ZNF560: variants seen among roughly 807,000 people sequenced by gnomAD.
ZNF560 encodes zinc finger protein 560.
ZNF560 carries 54 observed loss-of-function variants against 81.8 expected under a neutral mutation model. The ratio of observed to expected loss-of-function variants is 0.66; its 90% CI spans 0.53 to 0.83. ZNF560 has a LOEUF of 0.83. Ranked by LOEUF, ZNF560 falls within the 40% of genes least tolerant of loss-of-function variation. The pLI, the probability that ZNF560 is intolerant of heterozygous loss-of-function variation, is 0.00. For missense variants in ZNF560, 940 were observed against 932.4 expected, an observed-to-expected ratio of 1.01 and a Z score of -0.11; for synonymous variants, 321 against 317.9, an observed-to-expected ratio of 1.01 and a Z score of -0.10.
In ZNF560 at chr19:9,466,514, G is replaced by A. The variant is rs954904212; in HGVS notation, c.*60C>T. 2.7e-6 allele frequency: 4 copies of A among 1,471,250 alleles called. No homozygotes were observed. The African/African-American group carries it at 4.2e-5, about 16-fold the overall frequency. 91.1% of individuals were successfully genotyped at this position (1,471,250 alleles called of 1,614,324 possible). Reference sequence around the variant, plus strand: ...TCTCCTGTGAATTTTTACATGTTCAGTTAGGCTTGAGGAAACAGCAAAGGT... The same window carrying A: ...TCTCCTGTGAATTTTTACATGTTCAATTAGGCTTGAGGAAACAGCAAAGGT... On this transcript the variant is annotated 3_prime_UTR_variant, in exon 10 of 10. Coordinates refer to ENST00000301480, the MANE Select transcript of ZNF560 (RefSeq NM_152476.3).
chr19:9,479,249 C>T (rs1262956210), intron 2 of ZNF560, among the ~76,000 whole-genome samples: 1 of 150,774 alleles, frequency 6.6e-6, no homozygotes, highest in Non-Finnish European at 1.5e-5. Flanking sequence ...ACAATGATTA[C>T]TCTGAATGCA....
At chr19:9,459,107 A>C in the ZNF560 span, among the ~76,000 whole-genome samples, 1 of 152,356 alleles carries the variant, frequency 6.6e-6, no homozygotes, top group Non-Finnish European at 1.5e-5. Context: ...GGAATATTGA[A>C]GACATTACTG....
chr19:9,474,167 T>C, intron 4 of ZNF560, 32 bp downstream of exon 4: 1 of 1,613,508 alleles, frequency 6.2e-7, no homozygotes, highest in Non-Finnish European at 8.5e-7. Context: ...ATCTCTTCCC[T>C]AAGAGGCTGC....
chr19:9,475,070 A>G (rs1350241667), intron 3 of ZNF560, among the ~76,000 whole-genome samples: 2 of 152,102 alleles, frequency 1.3e-5, no homozygotes, highest in Non-Finnish European at 2.9e-5. Flanking sequence ...ATAAGGGACA[A>G]AATTAATTAA....
At chr19:9,495,640 G>A (rs2073545959) in intron 2 of ZNF560, among the ~76,000 whole-genome samples, 1 of 152,214 alleles carries the variant, frequency 6.6e-6, no homozygotes. Context: ...CCAGGAGGCG[G>A]AGGGTGCAGT....
rs1000819164 is a variant in ZNF560, at chr19:9,470,536, T to G, written c.322-18A>C. ...ACCAGGTCCTAAACCATCAGACACA[T>G]GCTGATTTGAGCCAAGCAACATCTC... On this transcript the variant is annotated intron_variant, in intron 6 of 9. Coordinates refer to ENST00000301480, the MANE Select transcript of ZNF560 (RefSeq NM_152476.3). The G allele has an allele frequency of 1.3e-5, 21 of 1,614,054 alleles. No individual in the cohort carries two copies. The highest frequency in any genetic ancestry group is 1.6e-5 in the Non-Finnish European group (19 of 1,180,028).
At chr19:9,461,820 C>T (rs2072936134), downstream of ZNF560, among the ~76,000 whole-genome samples, 1 of 152,202 alleles carries the variant, frequency 6.6e-6, no homozygotes, top group Admixed American at 6.5e-5. Flanking sequence ...ACTCTACAAA[C>T]TTGTCTTCGG....
chr19:9,467,871 T>C lies in ZNF560; in HGVS notation c.1076A>G (p.Tyr359Cys), dbSNP rs1379360260. 6.2e-7 allele frequency: 1 copy of C among 1,614,188 alleles called. No homozygotes were observed. Among genetic ancestry groups the C allele is most frequent in the Non-Finnish European group, 8.5e-7 (1 of 1,180,032 alleles). ...ECKECGKDFR[Y>C]PTHLNNHMQT... ...CATGTGATTATTAAGGTGGGTAGGG[T>C]ATCTAAAATCTTTTCCACATTCCTT... Residue 359 changes from tyrosine (Y) to cysteine (C), a missense_variant, in exon 10 of 10, where the codon TAC becomes TGC. By Grantham distance (194) the Tyr-to-Cys change is radical. Transcript: ENST00000301480.
In ZNF560 at chr19:9,496,628, A is replaced by G. The variant is rs191985944; in HGVS notation, c.-57+1500T>C. 4.3e-4 allele frequency among the ~76,000 whole-genome samples: 64 copies of G among 149,696 alleles called. 2 individuals carry two copies. In the East Asian group the frequency reaches 0.012, roughly 27 times the overall value. The stretch of plus-strand genomic sequence containing the variant: ...TGGGGGGGACAGGGAGGAAGGCAAG[A>G]AAAACAAAAGACAACAAAGAAGATC... On this transcript the variant is annotated intron_variant, in intron 2 of 9. Transcript: ENST00000301480.
chr19:9,469,640 T>A lies in ZNF560; in HGVS notation c.519A>T (p.Arg173Ser). 1 of 1,614,136 alleles carries A rather than the reference T, an allele frequency of 6.2e-7. No homozygotes were observed. ...TTCACAAACACTCACCTTGGAGAAC[T>A]CTTGGCAGTGTGCTCAACTCTTCCT... ...EEEEELSTLP[R>S]VLQEWKMCLK... The change falls in exon 8 of 10, where the codon AGA becomes AGT. Residue 173 changes from arginine to serine, a missense_variant. Coordinates refer to ENST00000301480, the MANE Select transcript of ZNF560 (RefSeq NM_152476.3).
the ZNF560 span, among the ~76,000 whole-genome samples, chr19:9,506,657 T>A: frequency 6.6e-6 from 1 of 152,052 alleles, no homozygotes. Context: ...CCTTTTAGCA[T>A]CTCTTTTATG....
intron 2 of ZNF560, among the ~76,000 whole-genome samples, chr19:9,489,605 A>AT (rs112506039): frequency 0.056 from 8,108 of 145,104 alleles, 637 homozygotes; most frequent in African/African-American, 0.18. Flanking sequence ...AGTCTCATGT[A>AT]TTTTTTTTTT....
rs1470005200 is a variant in ZNF560, at chr19:9,491,392, A to G, written c.-57+6736T>C. Among the ~76,000 whole-genome samples, 3 of 152,062 alleles carry G rather than the reference A, an allele frequency of 2.0e-5. No individual in the cohort carries two copies. In the South Asian group the frequency reaches 6.2e-4, roughly 31 times the overall value. On this transcript the variant is annotated intron_variant, in intron 2 of 9. Transcript: ENST00000301480. Reference sequence around the variant, plus strand: ...CTGCCTTGGCCTCCCAAAGTGTTAGAGTTACAGGCCTGAGCCACCATGCCC... The same window carrying G: ...CTGCCTTGGCCTCCCAAAGTGTTAGGGTTACAGGCCTGAGCCACCATGCCC...
intron 2 of ZNF560, among the ~76,000 whole-genome samples, chr19:9,483,334 G>A (rs1037600049): frequency 6.7e-6 from 1 of 149,338 alleles, no homozygotes; most frequent in African/African-American, 2.5e-5. Flanking sequence ...GGGAGGTGAG[G>A]AGCATCTCTG....
chr19:9,477,921 G>A (rs2073227977), intron 2 of ZNF560, among the ~76,000 whole-genome samples: 1 of 152,108 alleles, frequency 6.6e-6, no homozygotes, highest in Non-Finnish European at 1.5e-5. Context: ...CATCAAAAGA[G>A]CAAATTTTTG....
Position 9,468,037 on chromosome 19 carries a change from G to T in ZNF560, c.910C>A (p.Gln304Lys). The T allele has an allele frequency of 1.2e-6, 2 of 1,614,120 alleles. No homozygotes were observed. The highest frequency in any genetic ancestry group is 8.5e-7 in the Non-Finnish European group (1 of 1,180,022). The change falls in exon 10 of 10, where the codon CAG becomes AAG. Residue 304 changes from glutamine to lysine, a missense_variant. Transcript: ENST00000301480. ...TTCCTGTGTGCTTCAAGGTATGACT[G>T]ATAAATGAAGGCTTTCCCATAGTCA... is the stretch of plus-strand genomic sequence containing the variant. ...GTDYGKAFIY[Q>K]SYLEAHRKTQ...
chr19:9,446,682 A>G, the ZNF560 span, among the ~76,000 whole-genome samples: 1 of 152,196 alleles, frequency 6.6e-6, no homozygotes, highest in Non-Finnish European at 1.5e-5. Flanking sequence ...AATTTTCCAG[A>G]TACAATTCAA....
At position 9,467,989 on chromosome 19, in the gene ZNF560, T is replaced by C. The variant is rs754482698; in HGVS notation, c.958A>G (p.Asn320Asp). 24 of 1,613,924 alleles carry C rather than the reference T, an allele frequency of 1.5e-5. No individual in the cohort carries two copies. Among genetic ancestry groups the C allele is most frequent in the Non-Finnish European group, 1.9e-5 (23 of 1,179,894 alleles). The change falls in exon 10 of 10, where the codon AAT becomes GAT. Residue 320 changes from asparagine (N) to aspartate (D), a missense_variant. Physicochemically the swap from Asn to Asp is conservative, Grantham distance 23. Transcript: ENST00000301480. ...HRKTQSGEKLNEWKQCGEAFT... is the reference protein window; with the variant it reads ...HRKTQSGEKLDEWKQCGEAFT... ...GCTTCCCCACATTGCTTCCATTCAT[T>C]GAGTTTTTCTCCACTCTGAGTTTTC...
intron 2 of ZNF560, among the ~76,000 whole-genome samples, chr19:9,491,256 G>A (rs144031132): frequency 1.4e-4 from 21 of 152,166 alleles, no homozygotes; most frequent in African/African-American, 4.6e-4. Flanking sequence ...GGGACGACAG[G>A]TGCACATTAC....
Sources: allele counts gnomAD v4.1 joint callset (sites outside exome capture counted in the v4.1 genomes callset), GRCh38; gene constraint gnomAD v4.1.1; transcripts MANE v1.5; gene names NCBI Gene and HGNC (gene_info 2026-07-23, HGNC 2026-07-21).